KIF15: variants seen among roughly 807,000 people sequenced by gnomAD.
KIF15 encodes kinesin family member 15, also known as kinesin-like protein KIF15.
A neutral mutation model predicts 190.6 loss-of-function variants in KIF15; 140 were observed. That is an observed-to-expected ratio of 0.73 (90% CI 0.64 to 0.84). KIF15 has a LOEUF of 0.84. Among genes scored for constraint, KIF15 ranks in the 40% least tolerant of loss-of-function variants. The pLI is 0.00. For synonymous variants in KIF15, 528 were observed against 551.3 expected, an observed-to-expected ratio of 0.96 and a Z score of 0.59; for missense variants, 1,372 against 1,584.4, an observed-to-expected ratio of 0.87 and a Z score of 2.28.
chr3:44,861,003 ATTTTTT>A (rs997580688), intron 6 of KIF15, among the ~76,000 whole-genome samples: 16 of 151,910 alleles, frequency 1.1e-4, no homozygotes, highest in Admixed American at 2.6e-4. Flanking sequence ...TTTTATTTTT[ATTTTTT>A]GAGACGGAGT....
At position 44,769,671 on chromosome 3, in the gene KIF15, C is replaced by G. The variant is rs536268014; in HGVS notation, c.20-4724C>G. On this transcript the variant is annotated intron_variant, in intron 1 of 34. Coordinates refer to ENST00000326047, the MANE Select transcript of KIF15 (RefSeq NM_020242.3). ...CCGTCTGCTTCTGGATCCCTCAGAT[C>G]CAGTTTTTTTTTTCTTAGGGCTTTG... Among the ~76,000 whole-genome samples, 8 of 152,170 alleles carry G rather than the reference C, an allele frequency of 5.3e-5. No individual in the cohort carries two copies. In the East Asian group the frequency reaches 1.5e-3, roughly 29 times the overall value.
chr3:44,815,189 A>T, intron 20 of KIF15, 113 bp downstream of exon 20: 1 of 934,334 alleles, frequency 1.1e-6, no homozygotes, highest in Non-Finnish European at 1.5e-6. Context: ...TAAAAAAGAT[A>T]ATTTATTGGC....
chr3:44,825,213 T>C (rs1187844251), intron 20 of KIF15, among the ~76,000 whole-genome samples: 3 of 152,236 alleles, frequency 2.0e-5, no homozygotes, highest in Non-Finnish European at 4.4e-5. Context: ...CATGTGTTTC[T>C]TGAATTATTT....
Position 44,794,299 on chromosome 3 carries a change from C to T in KIF15, c.722C>T (p.Thr241Ile). Residue 241 changes from threonine to isoleucine, a missense_variant, in exon 8 of 35, where the codon ACA becomes ATA. Transcript: ENST00000326047. ...RESSRSHAVF[T>I]ITIESMEKSN... ...TCGTCTAGGTCTCATGCCGTCTTTACAATTACAATAGAGTCAATGGAGAAA... is the reference window on the plus strand; with the variant it reads ...TCGTCTAGGTCTCATGCCGTCTTTATAATTACAATAGAGTCAATGGAGAAA... 1 of 1,614,020 alleles carries T rather than the reference C, an allele frequency of 6.2e-7. No individual in the cohort carries two copies.
intron 1 of KIF15, among the ~76,000 whole-genome samples, chr3:44,770,208 TA>T (rs1705582826): frequency 6.6e-6 from 1 of 152,230 alleles, no homozygotes; most frequent in Non-Finnish European, 1.5e-5. Flanking sequence ...TCAGTTTTCT[TA>T]AAAACAAACC....
Position 44,794,292 on chromosome 3 carries a change from G to A in KIF15, c.715G>A (p.Val239Ile), listed in dbSNP as rs145798160. 29 of 1,613,896 alleles carry A rather than the reference G, an allele frequency of 1.8e-5. No homozygotes were observed. The highest frequency in any genetic ancestry group is 1.6e-4 in the Middle Eastern group (1 of 6,084). ...CAGAGAATCGTCTAGGTCTCATGCCGTCTTTACAATTACAATAGAGTCAAT... is the reference window on the plus strand; with the variant it reads ...CAGAGAATCGTCTAGGTCTCATGCCATCTTTACAATTACAATAGAGTCAAT... ...MNRESSRSHA[V>I]FTITIESMEK... Residue 239 changes from valine (V) to isoleucine (I), a missense_variant, in exon 8 of 35, where the codon GTC becomes ATC. Val to Ile is a conservative substitution (Grantham distance 29). Coordinates refer to ENST00000326047, the MANE Select transcript of KIF15 (RefSeq NM_020242.3).
At chr3:44,829,166 G>A (rs1697839096) in intron 24 of KIF15, among the ~76,000 whole-genome samples, 1 of 151,436 alleles carries the variant, frequency 6.6e-6, no homozygotes, top group Admixed American at 6.6e-5. Flanking sequence ...GACCATCCTG[G>A]CTAACATGGT....
At chr3:44,852,004 GA>G (rs1451789018) in intron 33 of KIF15, 52 bp downstream of exon 33, 2 of 1,556,344 alleles carry the variant, frequency 1.3e-6, no homozygotes, top group Non-Finnish European at 1.7e-6. Flanking sequence ...CAAATGAATA[GA>G]ACTAATTAGC....
intron 6 of KIF15, chr3:44,864,270 G>C: frequency 6.2e-7 from 1 of 1,614,206 alleles, no homozygotes; most frequent in Non-Finnish European, 8.5e-7. Flanking sequence ...ACCTTCTTTA[G>C]CCGGGGCCTC....
intron 6 of KIF15, chr3:44,862,888 A>G (rs182625847): frequency 2.6e-5 from 4 of 152,104 alleles, no homozygotes; most frequent in Admixed American, 2.0e-4. Context: ...TCAGGTTAGT[A>G]TCCCATTGGG....
chr3:44,786,040 C>T (rs1297854387), intron 6 of KIF15, among the ~76,000 whole-genome samples: 6 of 152,242 alleles, frequency 3.9e-5, no homozygotes, highest in Admixed American at 1.3e-4. Flanking sequence ...CACAGTGAAA[C>T]CCCGTCTCTA....
chr3:44,852,192 G>C lies in KIF15; in HGVS notation c.3973-16G>C. The C allele has an allele frequency of 1.2e-6, 2 of 1,602,972 alleles. No homozygotes were observed. The highest frequency in any genetic ancestry group is 1.7e-6 in the Non-Finnish European group (2 of 1,174,200). On this transcript the variant is annotated splice_polypyrimidine_tract_variant and intron_variant, in intron 33 of 34. Transcript: ENST00000326047. ...CCTACTTCTCATTTTTCCCTCCTTG[G>C]ATTGATTACCTGCAGGAGATGGAAA... is the stretch of plus-strand genomic sequence containing the variant.
intron 30 of KIF15, among the ~76,000 whole-genome samples, chr3:44,847,214 C>T (rs1375244164): frequency 6.6e-6 from 1 of 152,118 alleles, no homozygotes; most frequent in Non-Finnish European, 1.5e-5. Context: ...TTCTGTTTTC[C>T]TTCAAGAAAT....
chr3:44,767,062 G>A (rs375959884), intron 1 of KIF15, among the ~76,000 whole-genome samples: 21 of 151,924 alleles, frequency 1.4e-4, no homozygotes, highest in Non-Finnish European at 7.4e-5. Flanking sequence ...CGCCCGCTTC[G>A]GCCTCCCAAA....
At chr3:44,830,371 A>G (rs1348903348) in intron 25 of KIF15, among the ~76,000 whole-genome samples, 1 of 152,228 alleles carries the variant, frequency 6.6e-6, no homozygotes, top group Non-Finnish European at 1.5e-5. Flanking sequence ...CTGAATAAGA[A>G]ACAGGCTGGT....
intron 5 of KIF15, 37 bp from the exon 6 acceptor site, chr3:44,784,808 G>C (rs751528395): frequency 1.8e-6 from 2 of 1,093,444 alleles, no homozygotes; most frequent in Admixed American, 4.7e-5. Flanking sequence ...TCTTGGAATA[G>C]AATAAAAATC....
intron 6 of KIF15, among the ~76,000 whole-genome samples, chr3:44,785,380 A>G (rs1472780099): frequency 6.6e-6 from 1 of 152,198 alleles, no homozygotes; most frequent in Non-Finnish European, 1.5e-5. Flanking sequence ...ACTCATCCTC[A>G]CCACCTTTGT....
intron 26 of KIF15, among the ~76,000 whole-genome samples, chr3:44,832,392 G>T (rs1031378771): frequency 6.6e-6 from 1 of 152,162 alleles, no homozygotes; most frequent in Non-Finnish European, 1.5e-5. Flanking sequence ...AGAAATGCTA[G>T]TGGGGATAGG....
chr3:44,797,009 A>G (rs1359796802), intron 8 of KIF15, among the ~76,000 whole-genome samples: 1 of 150,698 alleles, frequency 6.6e-6, no homozygotes, highest in Admixed American at 6.6e-5. Flanking sequence ...TTTTCTTTGC[A>G]TGATTTTTGT....
Sources: gnomAD v4.1 joint callset for allele counts (sites outside exome capture counted in the v4.1 genomes callset) on GRCh38, gnomAD v4.1.1 for gene constraint, MANE v1.5 for transcripts, NCBI Gene and HGNC (gene_info 2026-07-23, HGNC 2026-07-21) for gene names.